The following FBXL5 variants were observed in gnomAD, a reference collection of about 807,000 sequenced individuals.
The protein encoded by FBXL5 is F-box/LRR-repeat protein 5.
FBXL5 carries 26 observed loss-of-function variants against 78.3 expected under a neutral mutation model. The observed-to-expected ratio is 0.33, with a 90% confidence interval of 0.24 to 0.46. FBXL5 has a LOEUF of 0.46. Among genes scored for constraint, FBXL5 ranks in the 20% least tolerant of loss-of-function variants. The pLI is 1.00. For missense variants in FBXL5, 710 were observed against 829.2 expected (o/e 0.86, Z 1.77); for synonymous variants, 295 against 282.5 (o/e 1.04, Z -0.45).
chr4:15,674,657 T>G (rs1262872579), intron 1 of FBXL5, among the ~76,000 whole-genome samples: 3 of 151,604 alleles, frequency 2.0e-5, no homozygotes, highest in South Asian at 2.1e-4. Flanking sequence ...TTTTTGGGTT[T>G]TTTTTTTTTT....
chr4:15,612,611 C>G (rs547599231), intron 9 of FBXL5, among the ~76,000 whole-genome samples, 197 bp from the exon 10 acceptor site: 4 of 152,116 alleles, frequency 2.6e-5, no homozygotes, highest in African/African-American at 9.6e-5. Flanking sequence ...AACATTTTTC[C>G]TAACAACATT....
At chr4:15,606,280 T>G (rs975717962) in intron 10 of FBXL5, among the ~76,000 whole-genome samples, 7 of 152,228 alleles carry the variant, frequency 4.6e-5, no homozygotes, top group Admixed American at 4.6e-4. Flanking sequence ...AGATTTAATA[T>G]ATTTGCCATA....
upstream of FBXL5, among the ~76,000 whole-genome samples, chr4:15,660,866 C>G (rs555469842): frequency 6.6e-6 from 1 of 152,222 alleles, no homozygotes; most frequent in South Asian, 2.1e-4. Context: ...CACTTCAGGT[C>G]AGGAGTTTGA....
intron 1 of FBXL5, among the ~76,000 whole-genome samples, chr4:15,665,635 T>C (rs1039210470): frequency 6.6e-6 from 1 of 152,200 alleles, no homozygotes; most frequent in Non-Finnish European, 1.5e-5. Context: ...GCATTGTGCA[T>C]ACTAGAGCCC....
At chr4:15,657,656 C>T (rs761838511), upstream of FBXL5, among the ~76,000 whole-genome samples, 1 of 152,182 alleles carries the variant, frequency 6.6e-6, no homozygotes, top group African/African-American at 2.4e-5. Flanking sequence ...TAAAAATAAT[C>T]CCTGTGAGTA....
chr4:15,627,848 T>C, intron 7 of FBXL5, 37 bp downstream of exon 7: 1 of 1,573,126 alleles, frequency 6.4e-7, no homozygotes. Flanking sequence ...TCATGCTGTT[T>C]TTCTTAATAC....
chr4:15,667,967 G>A lies in FBXL5; in HGVS notation c.-283-8045C>T, dbSNP rs549237121. 4.1e-4 allele frequency among the ~76,000 whole-genome samples: 63 copies of A among 151,976 alleles called. 1 individual carries two copies. The highest frequency in any genetic ancestry group is 1.4e-3 in the African/African-American group (59 of 41,406). On this transcript the variant is annotated intron_variant, in intron 1 of 4. Coordinates refer to the FBXL5 transcript ENST00000507899. ...GTGGGAGGAGAATCGCTTGAACTCG[G>A]GAGGTGGAGGTTGCGGTGAGCCAAG... is the stretch of plus-strand genomic sequence containing the variant.
intron 2 of FBXL5, among the ~76,000 whole-genome samples, chr4:15,643,709 T>G (rs1255911678): frequency 6.6e-6 from 1 of 152,220 alleles, no homozygotes; most frequent in Admixed American, 6.5e-5. Context: ...ACACTGCACC[T>G]GGCTGGTATT....
intron 5 of FBXL5, among the ~76,000 whole-genome samples, chr4:15,631,110 C>A (rs1713598594): frequency 1.3e-5 from 2 of 152,076 alleles, no homozygotes; most frequent in African/African-American, 2.4e-5. Context: ...ACGTTCCCCA[C>A]CCTGTGTCCA....
chr4:15,624,823 C>CA (rs989902272), intron 9 of FBXL5, among the ~76,000 whole-genome samples: 2 of 152,112 alleles, frequency 1.3e-5, no homozygotes, highest in African/African-American at 4.8e-5. Context: ...GCCGTGTAGT[C>CA]AGACTAAATG....
intron 9 of FBXL5, 84 bp downstream of exon 9, chr4:15,625,168 A>G: frequency 7.0e-7 from 1 of 1,437,178 alleles, no homozygotes; most frequent in Non-Finnish European, 9.3e-7. Context: ...TCAACTGAAA[A>G]GAATGACTTA....
chr4:15,611,940 T>G (rs1245289810), intron 10 of FBXL5: 1 of 179,796 alleles, frequency 5.6e-6, no homozygotes, highest in Non-Finnish European at 1.1e-5. Context: ...TCTTAATGAG[T>G]GCTACAAAAC....
chr4:15,642,293 T>A (rs1714964655), intron 2 of FBXL5, among the ~76,000 whole-genome samples: 1 of 151,722 alleles, frequency 6.6e-6, no homozygotes, highest in Non-Finnish European at 1.5e-5. Context: ...CAGGCTGGAA[T>A]GCAGTGGTGC....
Position 15,636,688 on chromosome 4 carries a change from A to G in FBXL5, c.584-12T>C, listed in dbSNP as rs749663740. 22 of 1,535,582 alleles carry G rather than the reference A, an allele frequency of 1.4e-5. No homozygotes were observed. The highest frequency in any genetic ancestry group is 1.9e-5 in the Non-Finnish European group (22 of 1,143,344). Reference sequence around the variant, plus strand: ...TGACACTTCTGCTTCTGAAATAAAAAAGAAAAACTTTACCAGTAAAGGCTA... The same window carrying G: ...TGACACTTCTGCTTCTGAAATAAAAGAGAAAAACTTTACCAGTAAAGGCTA... On this transcript the variant is annotated splice_polypyrimidine_tract_variant and intron_variant, in intron 4 of 10. Transcript: ENST00000341285.
rs553137037 is a variant in FBXL5, at chr4:15,642,651, C to CT, written c.301-1769dup. ...AATATTCAGTCTAATGTCCTGTTCT[C>CT]TTACGACTTTACACATTTTCCCTAA... is the stretch of plus-strand genomic sequence containing the variant. On this transcript the variant is annotated intron_variant, in intron 2 of 10. Transcript: ENST00000341285. Among the ~76,000 whole-genome samples the CT allele has an allele frequency of 2.5e-3, 381 of 152,336 alleles. 2 individuals are homozygous for CT. Among genetic ancestry groups the CT allele is most frequent in the African/African-American group, 8.8e-3 (366 of 41,582 alleles).
intron 9 of FBXL5, among the ~76,000 whole-genome samples, chr4:15,616,220 C>T (rs1019406541): frequency 2.0e-5 from 3 of 152,236 alleles, no homozygotes; most frequent in African/African-American, 4.8e-5. Context: ...ACACTCACCG[C>T]GAGGGTCCGC....
At chr4:15,616,316 C>T (rs1307230833) in intron 9 of FBXL5, among the ~76,000 whole-genome samples, 6 of 152,350 alleles carry the variant, frequency 3.9e-5, no homozygotes, top group African/African-American at 7.2e-5. Context: ...ACAGGTCACC[C>T]GGGAAGTGGG....
chr4:15,616,306 A>C (rs150932670), intron 9 of FBXL5, among the ~76,000 whole-genome samples: 5 of 152,354 alleles, frequency 3.3e-5, no homozygotes, highest in African/African-American at 1.2e-4. Flanking sequence ...GCTCTGTCAT[A>C]CAGGTCACCC....
At chr4:15,641,014 G>C (rs552691960) in intron 2 of FBXL5, 131 bp from the exon 3 acceptor site, 2 of 495,454 alleles carry the variant, frequency 4.0e-6, no homozygotes, top group African/African-American at 4.1e-5. Flanking sequence ...AGTGGTCTCT[G>C]TACTTTTAAC....
Sources: gnomAD v4.1 joint callset for allele counts (sites outside exome capture counted in the v4.1 genomes callset) on GRCh38, gnomAD v4.1.1 for gene constraint, MANE v1.5 for transcripts, NCBI Gene and HGNC (gene_info 2026-07-23, HGNC 2026-07-21) for gene names.